C16orf96: variants seen among roughly 807,000 people sequenced by gnomAD.
C16orf96 encodes chromosome 16 open reading frame 96, also known as uncharacterized protein C16orf96.
In C16orf96, 108 loss-of-function variants were observed where a neutral mutation model predicts 103.6. The ratio of observed to expected loss-of-function variants is 1.04; its 90% CI spans 0.89 to 1.22. The LOEUF is 1.22. Among genes scored for constraint, C16orf96 ranks in the 50% most tolerant of loss-of-function variants. C16orf96 has a pLI of 0.00. For missense variants in C16orf96, 1,586 were observed against 1,464.2 expected (o/e 1.08, Z -1.36); for synonymous variants, 566 against 593.5 (o/e 0.95, Z 0.67).
the C16orf96 span, among the ~76,000 whole-genome samples, chr16:4,548,118 C>T: frequency 1.1e-4 from 16 of 152,190 alleles, no homozygotes; most frequent in South Asian, 2.1e-4. Flanking sequence ...AAAGCCGCTC[C>T]GGGAGAATTC....
intron 1 of C16orf96, among the ~76,000 whole-genome samples, chr16:4,571,234 A>G (rs1218611467): frequency 6.6e-6 from 1 of 152,090 alleles, no homozygotes; most frequent in Non-Finnish European, 1.5e-5. Context: ...CTGATCCTCC[A>G]GTGGCTCCTA....
At chr16:4,552,498 A>G (rs1017911316), upstream of C16orf96, among the ~76,000 whole-genome samples, 7 of 151,746 alleles carry the variant, frequency 4.6e-5, no homozygotes, top group Admixed American at 2.0e-4. Flanking sequence ...AAAAAAAAAA[A>G]AAAGAAACGA....
chr16:4,575,631 G>A lies in C16orf96; in HGVS notation c.1151G>A (p.Gly384Glu). 1 of 1,527,888 alleles carries A rather than the reference G, an allele frequency of 6.5e-7. No individual in the cohort carries two copies. Among genetic ancestry groups the A allele is most frequent in the Non-Finnish European group, 8.8e-7 (1 of 1,136,570 alleles). The allele number at this position is 1,527,888 out of a possible 1,614,324, so 94.6% of individuals were successfully genotyped here. Residue 384 changes from glycine to glutamate, a missense_variant, in exon 5 of 16, where the codon GGA becomes GAA. Transcript: ENST00000444310. ...CCAGGTGCCCAGCCTCCACCACTGG[G>A]AGACTGGCCTGCACTCCCAAGACGC... Reference protein sequence around the residue: ...PAPGAQPPPLGDWPALPRRWP... With the variant: ...PAPGAQPPPLEDWPALPRRWP...
the C16orf96 span, among the ~76,000 whole-genome samples, chr16:4,547,661 C>CTTCT: frequency 9.2e-6 from 1 of 109,002 alleles, no homozygotes; most frequent in African/African-American, 3.9e-5. Flanking sequence ...TCCTTCCTTC[C>CTTCT]TTCCTTCCTT....
chr16:4,563,049 G>T, intron 1 of C16orf96: 1 of 890,874 alleles, frequency 1.1e-6, no homozygotes, highest in Admixed American at 1.9e-5. Flanking sequence ...GAAGATGACA[G>T]AGCTCTCCAA....
chr16:4,554,254 C>G (rs865798679), upstream of C16orf96, among the ~76,000 whole-genome samples: 2 of 152,158 alleles, frequency 1.3e-5, no homozygotes, highest in African/African-American at 2.4e-5. Flanking sequence ...GAGCCCAGCT[C>G]AAGCGGGGAG....
the C16orf96 span, among the ~76,000 whole-genome samples, chr16:4,546,988 G>A: frequency 8.9e-4 from 11 of 12,378 alleles, no homozygotes; most frequent in Non-Finnish European, 6.5e-4. Context: ...ATAGGGTCTC[G>A]ATATATTGCC....
upstream of C16orf96, among the ~76,000 whole-genome samples, chr16:4,552,686 G>A (rs183056643): frequency 3.4e-4 from 51 of 152,142 alleles, no homozygotes; most frequent in Middle Eastern, 3.4e-3. Context: ...GGTTCCGGTC[G>A]AGGGCTGGAC....
At chr16:4,598,539 C>T (rs1038839049) in intron 14 of C16orf96, among the ~76,000 whole-genome samples, 3 of 152,086 alleles carry the variant, frequency 2.0e-5, no homozygotes, top group East Asian at 1.9e-4. Context: ...TGGTGTGCAA[C>T]GCTGTGTGCG....
chr16:4,540,769 A>T, the C16orf96 span, among the ~76,000 whole-genome samples: 1 of 150,762 alleles, frequency 6.6e-6, no homozygotes, highest in Non-Finnish European at 1.5e-5. Flanking sequence ...TTTTTTTGAG[A>T]TAGGATCTTG....
rs913577203 is a variant in C16orf96, at chr16:4,556,545, G to A, written c.56G>A (p.Gly19Glu). ...ELANIAIPQC[G>E]VLNFKALHLL... Reference sequence around the variant, plus strand: ...GCCAACATCGCCATCCCACAGTGCGGGGTGCTGAACTTCAAGGCCCTGCAC... The same window carrying A: ...GCCAACATCGCCATCCCACAGTGCGAGGTGCTGAACTTCAAGGCCCTGCAC... The change falls in exon 1 of 16, where the codon GGG becomes GAG. Residue 19 changes from glycine to glutamate, a missense_variant. Coordinates refer to ENST00000444310, the MANE Select transcript of C16orf96 (RefSeq NM_001145011.2). 1.4e-5 allele frequency: 21 copies of A among 1,550,638 alleles called. No homozygotes were observed. The highest frequency in any genetic ancestry group is 1.7e-5 in the Non-Finnish European group (19 of 1,146,252).
chr16:4,591,123 G>T (rs185353315), intron 9 of C16orf96, among the ~76,000 whole-genome samples: 1 of 152,158 alleles, frequency 6.6e-6, no homozygotes, highest in African/African-American at 2.4e-5. Context: ...GGAGGCGGAG[G>T]TTGCAGTGAG....
At chr16:4,555,965 G>A (rs1161326888), upstream of C16orf96, among the ~76,000 whole-genome samples, 1 of 152,004 alleles carries the variant, frequency 6.6e-6, no homozygotes, top group Non-Finnish European at 1.5e-5. Context: ...TCCCCAAAGT[G>A]CTGGGATTAC....
At chr16:4,582,429 C>T (rs1896810443) in intron 7 of C16orf96, among the ~76,000 whole-genome samples, 1 of 152,094 alleles carries the variant, frequency 6.6e-6, no homozygotes, top group African/African-American at 2.4e-5. Flanking sequence ...AAACCCATGG[C>T]GTATGGCTGA....
intron 14 of C16orf96, among the ~76,000 whole-genome samples, chr16:4,598,570 T>C (rs933007567): frequency 6.6e-6 from 1 of 152,006 alleles, no homozygotes; most frequent in African/African-American, 2.4e-5. Flanking sequence ...CTCTGAATTG[T>C]GCACTTTAAA....
Position 4,574,053 on chromosome 16 carries a change from C to T in C16orf96, c.526-656C>T, listed in dbSNP as rs553849996. ...CTTCACCACATTGGTCAGGCTGGTC[C>T]CGAACTCCTGAACTCATGATCCACC... is the stretch of plus-strand genomic sequence containing the variant. On this transcript the variant is annotated intron_variant, in intron 2 of 15. Coordinates refer to ENST00000444310, the MANE Select transcript of C16orf96 (RefSeq NM_001145011.2). Among the ~76,000 whole-genome samples, 8 of 151,920 alleles carry T rather than the reference C, an allele frequency of 5.3e-5. No individual in the cohort carries two copies. In the East Asian group the frequency reaches 1.6e-3, roughly 30 times the overall value.
chr16:4,589,998 C>A (rs890849676), intron 9 of C16orf96, among the ~76,000 whole-genome samples: 1 of 152,120 alleles, frequency 6.6e-6, no homozygotes, highest in South Asian at 2.1e-4. Context: ...TGGTGGCGGG[C>A]GCCTGTAGTC....
intron 2 of C16orf96, among the ~76,000 whole-genome samples, chr16:4,572,069 C>T (rs1361769751): frequency 6.6e-6 from 1 of 151,338 alleles, no homozygotes; most frequent in Non-Finnish European, 1.5e-5. Flanking sequence ...AGGCTGGTCT[C>T]GAACTTCTGA....
At position 4,594,689 on chromosome 16, in the gene C16orf96, T is replaced by G; in HGVS notation, c.3028-15T>G. The G allele has an allele frequency of 6.4e-7, 1 of 1,551,082 alleles. No individual in the cohort carries two copies. The highest frequency in any genetic ancestry group is 8.7e-7 in the Non-Finnish European group (1 of 1,146,868). On this transcript the variant is annotated splice_polypyrimidine_tract_variant and intron_variant, in intron 13 of 15. Transcript: ENST00000444310. Reference sequence around the variant, plus strand: ...GTCGGGGGCTCCCTAACCCGGGACCTGGGCCATCCAACAGGCCGAGGTGGA... The same window carrying G: ...GTCGGGGGCTCCCTAACCCGGGACCGGGGCCATCCAACAGGCCGAGGTGGA...
Sources: allele counts gnomAD v4.1 joint callset (sites outside exome capture counted in the v4.1 genomes callset), GRCh38; gene constraint gnomAD v4.1.1; transcripts MANE v1.5; gene names NCBI Gene and HGNC (gene_info 2026-07-23, HGNC 2026-07-21).